Variants in DLGAP2 observed in about 807,000 individuals in gnomAD.
DLGAP2 encodes disks large-associated protein 2.
DLGAP2 carries 26 observed loss-of-function variants against 100.3 expected under a neutral mutation model. The ratio of observed to expected loss-of-function variants is 0.26; its 90% CI spans 0.19 to 0.36. The LOEUF is 0.36. DLGAP2 is among the 10% of genes least tolerant of loss of function. The pLI, the probability that DLGAP2 is intolerant of heterozygous loss-of-function variation, is 1.00. For synonymous variants in DLGAP2, 886 were observed against 630.1 expected (o/e 1.41, Z -6.08); for missense variants, 1,858 against 1,453.2 (o/e 1.28, Z -4.53).
At chr8:1,625,412 T>C (rs1797466190) in intron 6 of DLGAP2, among the ~76,000 whole-genome samples, 1 of 152,214 alleles carries the variant, frequency 6.6e-6, no homozygotes, top group Non-Finnish European at 1.5e-5. Context: ...TTCCATGCTT[T>C]TAACATTTCA....
chr8:1,475,588 C>G (rs892721814), intron 3 of DLGAP2, among the ~76,000 whole-genome samples: 8 of 152,266 alleles, frequency 5.3e-5, no homozygotes, highest in Middle Eastern at 6.8e-3. Context: ...GTCAGGTCAC[C>G]ACCCTAAAGC....
intron 2 of DLGAP2, among the ~76,000 whole-genome samples, chr8:1,012,504 A>C (rs1801320457): frequency 1.5e-5 from 2 of 134,262 alleles, no homozygotes; most frequent in South Asian, 2.6e-4. Context: ...CCCCCACTTC[A>C]GCGGCAGTGT....
intron 2 of DLGAP2, among the ~76,000 whole-genome samples, chr8:1,034,213 C>CAT (rs1802065683): frequency 5.8e-5 from 1 of 17,346 alleles, no homozygotes; most frequent in African/African-American, 4.1e-4. Context: ...CCCGACCCTG[C>CAT]GTGTCACCGC....
chr8:1,497,053 T>C (rs1169152436), intron 3 of DLGAP2, among the ~76,000 whole-genome samples: 3 of 152,056 alleles, frequency 2.0e-5, no homozygotes, highest in African/African-American at 7.3e-5. Flanking sequence ...CTCCAGCAGA[T>C]GAGAAAGGTG....
intron 3 of DLGAP2, among the ~76,000 whole-genome samples, chr8:1,364,118 C>G (rs969445959): frequency 6.6e-6 from 1 of 152,182 alleles, no homozygotes; most frequent in African/African-American, 2.4e-5. Context: ...TCGGCCCCAC[C>G]CACCTTCCCT....
intron 2 of DLGAP2, among the ~76,000 whole-genome samples, chr8:1,184,579 G>C (rs1585130910): frequency 6.6e-6 from 1 of 152,306 alleles, no homozygotes; most frequent in East Asian, 1.9e-4. Context: ...TGGTCGACCT[G>C]CATCTTAAAC....
At chr8:800,437 A>G (rs1431199976) in intron 1 of DLGAP2, among the ~76,000 whole-genome samples, 4 of 152,226 alleles carry the variant, frequency 2.6e-5, no homozygotes, top group Non-Finnish European at 5.9e-5. Context: ...AACCAACACC[A>G]GGGGCCCAGC....
At chr8:808,880 A>G (rs1385573236) in intron 1 of DLGAP2, among the ~76,000 whole-genome samples, 1 of 149,202 alleles carries the variant, frequency 6.7e-6, no homozygotes, top group African/African-American at 2.5e-5. Context: ...TACCTTTCAC[A>G]TTGGATGATA....
chr8:1,444,573 C>T (rs1369857104), intron 3 of DLGAP2, among the ~76,000 whole-genome samples: 5 of 152,026 alleles, frequency 3.3e-5, no homozygotes, highest in Non-Finnish European at 5.9e-5. Context: ...AGCACATTGA[C>T]AATGCTCCGT....
At chr8:1,573,584 A>C (rs1301606059) in intron 6 of DLGAP2, among the ~76,000 whole-genome samples, 2 of 151,520 alleles carry the variant, frequency 1.3e-5, no homozygotes, top group Non-Finnish European at 2.9e-5. Context: ...AGTCATCAAT[A>C]ATAACAGCTC....
intron 3 of DLGAP2, among the ~76,000 whole-genome samples, chr8:1,271,881 C>T (rs1170632473): frequency 2.6e-5 from 4 of 152,184 alleles, no homozygotes; most frequent in Admixed American, 6.5e-5. Context: ...GTGGTGCAAC[C>T]TCAGCTCACT....
intron 6 of DLGAP2, chr8:1,620,495 C>T (rs1797297438): frequency 6.6e-6 from 1 of 152,346 alleles, no homozygotes; most frequent in Non-Finnish European, 1.5e-5. Flanking sequence ...TGTTCTTTCA[C>T]AGACTTCTTG....
At chr8:1,179,418 C>G (rs936961792) in intron 2 of DLGAP2, among the ~76,000 whole-genome samples, 1 of 152,214 alleles carries the variant, frequency 6.6e-6, no homozygotes, top group African/African-American at 2.4e-5. Context: ...GTGCTGCCAG[C>G]TTTCTGGGAA....
chr8:1,129,185 C>T (rs1796234414), intron 2 of DLGAP2, among the ~76,000 whole-genome samples: 1 of 152,104 alleles, frequency 6.6e-6, no homozygotes, highest in Non-Finnish European at 1.5e-5. Flanking sequence ...GTGGGTGGAT[C>T]ACAAGGTCAG....
chr8:1,350,488 C>T (rs71497108), intron 3 of DLGAP2, among the ~76,000 whole-genome samples: 1 of 58,234 alleles, frequency 1.7e-5, no homozygotes, highest in East Asian at 9.1e-4. Flanking sequence ...AAAGGCCGCG[C>T]GGGTCCTGAC....
At chr8:1,592,041 G>T (rs4563911) in intron 6 of DLGAP2, among the ~76,000 whole-genome samples, 1 of 151,948 alleles carries the variant, frequency 6.6e-6, no homozygotes, top group Non-Finnish European at 1.5e-5. Context: ...AGCTGGGGCA[G>T]TGAGTATCCA....
chr8:970,298 G>A (rs1799980821), intron 2 of DLGAP2, among the ~76,000 whole-genome samples: 1 of 152,196 alleles, frequency 6.6e-6, no homozygotes, highest in Non-Finnish European at 1.5e-5. Context: ...AATTATAGGT[G>A]TGTTGACTTT....
At chr8:1,058,639 G>T (rs2129034556) in intron 2 of DLGAP2, among the ~76,000 whole-genome samples, 1 of 152,316 alleles carries the variant, frequency 6.6e-6, no homozygotes, top group South Asian at 2.1e-4. Flanking sequence ...CAAGTTTCTA[G>T]CCATCTACCA....
At chr8:747,257 G>A (rs939567180) in intron 1 of DLGAP2, among the ~76,000 whole-genome samples, 15 of 152,150 alleles carry the variant, frequency 9.9e-5, no homozygotes, top group Non-Finnish European at 1.5e-4. Flanking sequence ...ACTTCTTTAC[G>A]TTTTCATTCA....
Sources: gnomAD v4.1 joint callset for allele counts (sites outside exome capture counted in the v4.1 genomes callset) on GRCh38, gnomAD v4.1.1 for gene constraint, MANE v1.5 for transcripts, NCBI Gene and HGNC (gene_info 2026-07-23, HGNC 2026-07-21) for gene names.